TAFA2: variants seen among roughly 807,000 people sequenced by gnomAD.
TAFA2 encodes the protein chemokine-like protein TAFA-2.
A neutral mutation model predicts 18.8 loss-of-function variants in TAFA2; 7 were observed. The observed-to-expected ratio is 0.37, with a 90% CI of 0.21 to 0.70. The LOEUF (loss-of-function observed/expected upper bound fraction) is 0.70. TAFA2 is among the 30% of genes least tolerant of loss of function. TAFA2 has a pLI of 0.53. For missense variants in TAFA2, 122 were observed against 158.1 expected (o/e 0.77, Z 1.23); for synonymous variants, 60 against 54.2 (o/e 1.11, Z -0.47).
At chr12:62,098,470 A>G (rs1218602407) in intron 1 of TAFA2, among the ~76,000 whole-genome samples, 1 of 152,168 alleles carries the variant, frequency 6.6e-6, no homozygotes, top group African/African-American at 2.4e-5. Context: ...TCCTTCCAAA[A>G]TAGGACAAAA....
chr12:62,133,764 G>T (rs1870783502), intron 1 of TAFA2, among the ~76,000 whole-genome samples: 1 of 152,070 alleles, frequency 6.6e-6, no homozygotes, highest in Admixed American at 6.6e-5. Flanking sequence ...GTATGTGGGT[G>T]CCAGTAAATA....
intron 4 of TAFA2, among the ~76,000 whole-genome samples, chr12:61,727,726 CTT>C (rs1294177333): frequency 1.3e-5 from 2 of 151,876 alleles, no homozygotes; most frequent in East Asian, 3.9e-4. Flanking sequence ...TAGTTCTGAT[CTT>C]TGTTATTTCT....
intron 1 of TAFA2, among the ~76,000 whole-genome samples, chr12:61,979,748 A>T (rs1386870595): frequency 6.6e-6 from 1 of 152,150 alleles, no homozygotes; most frequent in Non-Finnish European, 1.5e-5. Context: ...GCTGCCAAAA[A>T]GTAGAAGCAC....
intron 1 of TAFA2, among the ~76,000 whole-genome samples, chr12:62,210,924 C>CG (rs1424093786): frequency 5.3e-5 from 8 of 151,776 alleles, no homozygotes; most frequent in African/African-American, 7.3e-5. Context: ...ATACACCCCC[C>CG]GCCCCCCAAA....
chr12:61,739,164 C>T (rs1868358090), intron 4 of TAFA2, among the ~76,000 whole-genome samples: 1 of 152,030 alleles, frequency 6.6e-6, no homozygotes, highest in Non-Finnish European at 1.5e-5. Context: ...CCCAAGACCA[C>T]CAGCTAATAC....
At chr12:62,119,076 C>G (rs780963580) in intron 1 of TAFA2, among the ~76,000 whole-genome samples, 1 of 151,992 alleles carries the variant, frequency 6.6e-6, no homozygotes, top group African/African-American at 2.4e-5. Context: ...GCTTTTGATA[C>G]TTAAATCCTT....
At chr12:62,150,170 G>C (rs2062317706) in intron 1 of TAFA2, among the ~76,000 whole-genome samples, 1 of 152,142 alleles carries the variant, frequency 6.6e-6, no homozygotes, top group African/African-American at 2.4e-5. Flanking sequence ...TAGGTGCTAA[G>C]CACTGTGATA....
chr12:62,146,297 T>TG (rs1351822664), intron 1 of TAFA2, among the ~76,000 whole-genome samples: 1 of 149,896 alleles, frequency 6.7e-6, no homozygotes, highest in African/African-American at 2.5e-5. Flanking sequence ...TTTTTTTTTT[T>TG]TTTTTTGACA....
At chr12:62,029,189 A>G (rs1169198979) in intron 1 of TAFA2, among the ~76,000 whole-genome samples, 3 of 152,168 alleles carry the variant, frequency 2.0e-5, no homozygotes, top group South Asian at 2.1e-4. Flanking sequence ...CAGGCAAGCT[A>G]TCTCAAAGCA....
rs751478092 is a variant in TAFA2 at position 62,021,873 on chromosome 12, G to C, written c.-1-154447C>G. The C allele has an allele frequency of 1.0e-5, 8 of 765,796 alleles. No individual in the cohort carries two copies. In the Admixed American group the frequency reaches 1.4e-4, roughly 13 times the overall value. 47.4% of individuals were successfully genotyped at this position (765,796 alleles called of 1,614,324 possible). A position where few individuals can be genotyped will look rare whatever the true frequency, so the allele number is the denominator to read the frequency against. ...TCATGGATTTAGTCCTCCGTCCTCG[G>C]AGTTTCCCAGACACCATGACCTCAC... On this transcript the variant is annotated intron_variant, in intron 1 of 4. Coordinates refer to ENST00000416284, the MANE Select transcript of TAFA2 (RefSeq NM_178539.5).
intron 1 of TAFA2, among the ~76,000 whole-genome samples, chr12:62,052,920 C>T (rs1428070341): frequency 6.6e-6 from 1 of 152,162 alleles, no homozygotes; most frequent in Admixed American, 6.6e-5. Flanking sequence ...GAAGTCAGTT[C>T]ATTCTGACCT....
At chr12:61,952,819 A>G (rs1878516033) in intron 1 of TAFA2, among the ~76,000 whole-genome samples, 2 of 151,992 alleles carry the variant, frequency 1.3e-5, no homozygotes, top group African/African-American at 4.8e-5. Flanking sequence ...TCCCTAATTA[A>G]ATACGTGATT....
At chr12:61,876,735 A>G (rs1874863440) in intron 1 of TAFA2, among the ~76,000 whole-genome samples, 1 of 152,220 alleles carries the variant, frequency 6.6e-6, no homozygotes, top group African/African-American at 2.4e-5. Flanking sequence ...GTTATGTGTC[A>G]AAAAGAATGC....
At chr12:61,924,106 C>T (rs557396812) in intron 1 of TAFA2, among the ~76,000 whole-genome samples, 8 of 151,992 alleles carry the variant, frequency 5.3e-5, no homozygotes, top group Admixed American at 2.0e-4. Flanking sequence ...ACCAACCCTA[C>T]GTTTCATTGG....
chr12:61,924,704 C>A lies in TAFA2; in HGVS notation c.-1-57278G>T, dbSNP rs575692971. ...AACGAATGGGTAAAATAACCAGCTA[C>A]CATCATAATGACAGGATCAAATTCA... On this transcript the variant is annotated intron_variant, in intron 1 of 4. Coordinates refer to ENST00000416284, the MANE Select transcript of TAFA2 (RefSeq NM_178539.5). Among the ~76,000 whole-genome samples, 5 of 152,236 alleles carry A rather than the reference C, an allele frequency of 3.3e-5. No homozygotes were observed. In the East Asian group the frequency reaches 9.7e-4, roughly 29 times the overall value.
intron 1 of TAFA2, among the ~76,000 whole-genome samples, chr12:61,896,641 A>G (rs552845950): frequency 6.6e-6 from 1 of 152,210 alleles, no homozygotes; most frequent in South Asian, 2.1e-4. Flanking sequence ...TGTACCTTAC[A>G]TGTGAGCCTT....
intron 2 of TAFA2, among the ~76,000 whole-genome samples, chr12:61,794,613 T>C (rs994923476): frequency 2.0e-5 from 3 of 152,028 alleles, no homozygotes; most frequent in Non-Finnish European, 4.4e-5. Context: ...TTTAGGTCCA[T>C]TGTAATCCTA....
chr12:61,808,946 G>A (rs1370403581), intron 2 of TAFA2, among the ~76,000 whole-genome samples: 1 of 151,568 alleles, frequency 6.6e-6, no homozygotes, highest in Admixed American at 6.6e-5. Flanking sequence ...AAAGGTGACT[G>A]CTGTAATAAC....
chr12:61,733,374 C>T lies in TAFA2; in HGVS notation c.384+20248G>A, dbSNP rs566358709. On this transcript the variant is annotated intron_variant, in intron 4 of 4. Transcript: ENST00000416284. ...TGCCTATGTCCTGAATGGTAATGCC[C>T]AGGTTTTCTTCTAGGGTTTTTATGG... is the stretch of plus-strand genomic sequence containing the variant. Among the ~76,000 whole-genome samples, 1,206 of 151,974 alleles carry T rather than the reference C, an allele frequency of 7.9e-3. 9 individuals are homozygous for T. Among genetic ancestry groups the T allele is most frequent in the African/African-American group, 0.025 (1,049 of 41,386 alleles).
Sources: gnomAD v4.1 joint callset for allele counts (sites outside exome capture counted in the v4.1 genomes callset) on GRCh38, gnomAD v4.1.1 for gene constraint, MANE v1.5 for transcripts, NCBI Gene and HGNC (gene_info 2026-07-23, HGNC 2026-07-21) for gene names.